Variants in SLC28A1 observed in about 807,000 individuals in gnomAD.
SLC28A1 encodes the protein sodium/nucleoside cotransporter 1.
SLC28A1 carries 64 observed loss-of-function variants against 74.8 expected under a neutral mutation model. That is an observed-to-expected ratio of 0.86 (90% CI 0.70 to 1.05). The LOEUF is 1.05. Among genes scored for constraint, SLC28A1 ranks in the 50% least tolerant of loss-of-function variants. The probability of loss-of-function intolerance (pLI) is 0.00; values close to 1 mark genes in which losing one functional copy is unlikely to be tolerated. For synonymous variants in SLC28A1, 359 were observed against 335.0 expected (o/e 1.07, Z -0.78); for missense variants, 828 against 822.8 (o/e 1.01, Z -0.08).
intron 10 of SLC28A1, among the ~76,000 whole-genome samples, chr15:84,919,044 C>T (rs989534271): frequency 3.9e-5 from 6 of 152,166 alleles, no homozygotes; most frequent in Admixed American, 6.6e-5. Context: ...GGTCTCCTGT[C>T]ATGATACTAA....
intron 8 of SLC28A1, 121 bp from the exon 9 acceptor site, chr15:84,908,597 G>C (rs974506556): frequency 2.8e-4 from 210 of 752,060 alleles, no homozygotes; most frequent in African/African-American, 2.6e-3. Context: ...GCCCCCCCCC[G>C]GATAAGGGCC....
intron 15 of SLC28A1, among the ~76,000 whole-genome samples, chr15:84,937,962 G>C (rs755986513): frequency 6.6e-6 from 1 of 151,960 alleles, no homozygotes; most frequent in African/African-American, 2.4e-5. Flanking sequence ...CACTTTTGGA[G>C]GCAGAGACTG....
At chr15:84,895,733 C>A in intron 6 of SLC28A1, 3 of 1,275,050 alleles carry the variant, frequency 2.4e-6, no homozygotes, top group Non-Finnish European at 3.0e-6. Flanking sequence ...AGCCAAGGTT[C>A]ACACAAAAAA....
At chr15:84,940,386 A>T (rs78658858) in intron 15 of SLC28A1, 2 of 152,856 alleles carry the variant, frequency 1.3e-5, no homozygotes, top group Non-Finnish European at 2.9e-5. Flanking sequence ...AGGACACTGT[A>T]CAGTTTAAAA....
At chr15:84,933,408 G>T in intron 13 of SLC28A1, 133 bp downstream of exon 13, 1 of 1,139,914 alleles carries the variant, frequency 8.8e-7, no homozygotes, top group Non-Finnish European at 1.3e-6. Context: ...TCCTGCTCTG[G>T]TTTGGGCTTC....
At chr15:84,946,112 A>AT (rs1165709632), downstream of SLC28A1, among the ~76,000 whole-genome samples, 39 of 13,474 alleles carry the variant, frequency 2.9e-3, 5 homozygotes, top group African/African-American at 0.012. Flanking sequence ...ATATATATAT[A>AT]TTTTTTTTTT....
At chr15:84,940,306 G>A (rs928317637) in intron 15 of SLC28A1, among the ~76,000 whole-genome samples, 2 of 152,084 alleles carry the variant, frequency 1.3e-5, no homozygotes, top group African/African-American at 4.8e-5. Flanking sequence ...AAGGTTGGTG[G>A]CTATTGAAAA....
At chr15:84,906,069 G>T (rs1488103967) in intron 8 of SLC28A1, among the ~76,000 whole-genome samples, 1 of 149,794 alleles carries the variant, frequency 6.7e-6, no homozygotes, top group East Asian at 1.9e-4. Context: ...ACCCAGGCTG[G>T]AGTGCAGTGG....
At chr15:84,886,836 G>A (rs1025080827) in intron 2 of SLC28A1, 49 bp downstream of exon 2, 1 of 919,878 alleles carries the variant, frequency 1.1e-6, no homozygotes, top group Non-Finnish European at 1.3e-6. Context: ...GTGCGTCTGT[G>A]TGTGAGCCAG....
At chr15:84,955,698 C>T in the SLC28A1 span, among the ~76,000 whole-genome samples, 1 of 152,216 alleles carries the variant, frequency 6.6e-6, no homozygotes, top group African/African-American at 2.4e-5. Context: ...GGAGCCTCTC[C>T]CTTTTGTGGG....
Position 84,904,075 on chromosome 15 carries a change from GCTTT to G in SLC28A1, c.462-19_462-16del, listed in dbSNP as rs775785490. ...TGGGGGTGCAATGCTGAGGGTAATG[GCTTT>G]CTGTCTCTTGCCTGCAGGGGTCTAG... is the stretch of plus-strand genomic sequence containing the variant. On this transcript the variant is annotated intron_variant, in intron 6 of 18. Transcript: ENST00000394573. 8.1e-6 allele frequency: 13 copies of G among 1,614,126 alleles called. 1 individual carries two copies. The South Asian group carries it at 1.3e-4, about 16-fold the overall frequency.
intron 4 of SLC28A1, among the ~76,000 whole-genome samples, chr15:84,889,861 C>G (rs1596194604): frequency 7.3e-6 from 1 of 136,202 alleles, no homozygotes; most frequent in Non-Finnish European, 1.6e-5. Flanking sequence ...TCCTTTCTCT[C>G]TTTTTTTTTT....
chr15:84,966,726 A>C, the SLC28A1 span, among the ~76,000 whole-genome samples: 1 of 152,212 alleles, frequency 6.6e-6, no homozygotes, highest in African/African-American at 2.4e-5. Flanking sequence ...ACTCCTTTCT[A>C]AAACCATCAG....
At position 84,893,902 on chromosome 15, in the gene SLC28A1, G is replaced by T. The variant is rs368510548; in HGVS notation, c.278-1038G>T. Among the ~76,000 whole-genome samples the T allele has an allele frequency of 2.5e-3, 384 of 152,318 alleles. 3 individuals are homozygous for T. The highest frequency in any genetic ancestry group is 8.4e-3 in the African/African-American group (351 of 41,574). On this transcript the variant is annotated intron_variant, in intron 5 of 18. Transcript: ENST00000394573. The stretch of plus-strand genomic sequence containing the variant: ...GCTTGCAATGCTGCAAACACACCTG[G>T]CTTGGCGGCCTTGCCAGGCTCAGGC...
rs868854855 is a variant in SLC28A1, at chr15:84,935,120, G to T, written c.1309G>T (p.Ala437Ser). Residue 437 changes from alanine (A) to serine (S), a missense_variant, in exon 14 of 19, where the codon GCT becomes TCT. This residue lies in a region of SLC28A1 where 767 missense variants were observed against 753.5 expected (regional missense o/e 1.02). Coordinates refer to ENST00000394573, the MANE Select transcript of SLC28A1 (RefSeq NM_004213.5). ...NIAANLIAFL[A>S]VLDFINAALS... ...CGCTGCCAACCTGATTGCGTTCCTG[G>T]CTGTGCTGGACTTTATCAATGCTGC... The T allele has an allele frequency of 1.2e-6, 2 of 1,614,034 alleles. No homozygotes were observed. The highest frequency in any genetic ancestry group is 1.7e-6 in the Non-Finnish European group (2 of 1,180,004).
At chr15:84,926,903 G>A (rs765576400) in intron 12 of SLC28A1, among the ~76,000 whole-genome samples, 1 of 152,080 alleles carries the variant, frequency 6.6e-6, no homozygotes, top group Non-Finnish European at 1.5e-5. Flanking sequence ...CCCTGGGGAT[G>A]ATGAGAGATG....
intron 6 of SLC28A1, among the ~76,000 whole-genome samples, chr15:84,897,115 G>A (rs1315379166): frequency 2.0e-5 from 3 of 151,662 alleles, no homozygotes; most frequent in Non-Finnish European, 2.9e-5. Context: ...GGTGGCTCAC[G>A]CCTGTAATCC....
downstream of SLC28A1, among the ~76,000 whole-genome samples, chr15:84,948,855 T>G (rs1224798886): frequency 6.6e-6 from 1 of 152,192 alleles, no homozygotes; most frequent in Non-Finnish European, 1.5e-5. Context: ...ATTGGAGAGC[T>G]CCACTTCTGA....
the SLC28A1 span, among the ~76,000 whole-genome samples, chr15:84,957,278 G>C: frequency 1.3e-5 from 2 of 151,902 alleles, no homozygotes; most frequent in Non-Finnish European, 1.5e-5. Context: ...GTTTTGTTTT[G>C]TTTTTTGAGA....
Sources: gnomAD v4.1 joint callset for allele counts (sites outside exome capture counted in the v4.1 genomes callset) on GRCh38, gnomAD v4.1.1 for gene constraint, gnomAD v4.1.1 regional missense constraint, MANE v1.5 for transcripts, NCBI Gene and HGNC (gene_info 2026-07-23, HGNC 2026-07-21) for gene names.